ANKRD55: variants seen among roughly 807,000 people sequenced by gnomAD.
The protein encoded by ANKRD55 is ankyrin repeat domain 55.
A neutral mutation model predicts 60.6 loss-of-function variants in ANKRD55; 41 were observed. The observed-to-expected ratio is 0.68, with a 90% CI of 0.53 to 0.88. The LOEUF (loss-of-function observed/expected upper bound fraction) is 0.88, where lower values mean the gene tolerates loss of function less well. Among genes scored for constraint, ANKRD55 ranks in the 40% least tolerant of loss-of-function variants. The pLI, the probability that ANKRD55 is intolerant of heterozygous loss-of-function variation, is 0.00. For synonymous variants in ANKRD55, 264 were observed against 290.3 expected (o/e 0.91, Z 0.92); for missense variants, 732 against 767.6 (o/e 0.95, Z 0.55).
chr5:56,192,624 T>A (rs1224598709), intron 2 of ANKRD55: 11 of 734,180 alleles, frequency 1.5e-5, no homozygotes, highest in South Asian at 8.3e-5. Context: ...TTTTCTCAGC[T>A]ACTTAGTATT....
chr5:56,164,191 T>C (rs1475298638), intron 5 of ANKRD55, among the ~76,000 whole-genome samples: 1 of 152,090 alleles, frequency 6.6e-6, no homozygotes, highest in Non-Finnish European at 1.5e-5. Context: ...TATCATTAGG[T>C]GAATGGTGGG....
intron 3 of ANKRD55, among the ~76,000 whole-genome samples, chr5:56,177,602 C>T (rs1002442573): frequency 1.3e-4 from 19 of 151,888 alleles, no homozygotes; most frequent in African/African-American, 4.6e-4. Flanking sequence ...CATGGTGAAA[C>T]CCTGTCTAAA....
chr5:56,166,613 C>T (rs180868432), intron 5 of ANKRD55, among the ~76,000 whole-genome samples: 4 of 151,062 alleles, frequency 2.6e-5, no homozygotes, highest in Non-Finnish European at 5.9e-5. Context: ...AATAAGATAA[C>T]GAGTGAAGAA....
In ANKRD55 at chr5:56,159,824, G is replaced by A. The variant is rs1416220425; in HGVS notation, c.483+9C>T. 1.2e-6 allele frequency: 2 copies of A among 1,613,590 alleles called. No homozygotes were observed. Among genetic ancestry groups the A allele is most frequent in the Admixed American group, 1.7e-5 (1 of 60,008 alleles). ...AAATGACCACTTGTTGCTTGAGAGT[G>A]TGGCTCACCTCATTGTCCTGGTGAT... On this transcript the variant is annotated intron_variant, in intron 6 of 11. Coordinates refer to ENST00000341048, the MANE Select transcript of ANKRD55 (RefSeq NM_024669.3).
intron 10 of ANKRD55, among the ~76,000 whole-genome samples, chr5:56,109,833 A>G (rs1377246589): frequency 4.6e-5 from 7 of 152,164 alleles, no homozygotes; most frequent in African/African-American, 1.4e-4. Context: ...CCTGGCTAAC[A>G]TGGTGAAACC....
At chr5:56,211,488 G>A (rs150207413) in intron 2 of ANKRD55, among the ~76,000 whole-genome samples, 7 of 152,334 alleles carry the variant, frequency 4.6e-5, no homozygotes, top group South Asian at 2.1e-4. Flanking sequence ...GAAACAAAGT[G>A]ACTTATCCAA....
intron 6 of ANKRD55, among the ~76,000 whole-genome samples, chr5:56,158,013 T>A (rs57224199): frequency 0.017 from 2,617 of 152,208 alleles, 89 homozygotes; most frequent in African/African-American, 0.06. Flanking sequence ...AAACCCCGTC[T>A]CTACTAAAAA....
At chr5:56,125,282 TC>T (rs1398224590) in intron 8 of ANKRD55, among the ~76,000 whole-genome samples, 3 of 152,124 alleles carry the variant, frequency 2.0e-5, no homozygotes, top group Admixed American at 1.3e-4. Context: ...TTTTCTTTTT[TC>T]TTTTTTTTTT....
At chr5:56,183,723 T>C in intron 2 of ANKRD55, 89 bp from the exon 3 acceptor site, 1 of 1,536,788 alleles carries the variant, frequency 6.5e-7, no homozygotes, top group Non-Finnish European at 8.8e-7. Context: ...ACACAAGTGA[T>C]TCATTAAAAC....
chr5:56,210,174 G>A (rs1012616652), intron 2 of ANKRD55, among the ~76,000 whole-genome samples: 16 of 151,820 alleles, frequency 1.1e-4, no homozygotes, highest in Admixed American at 5.3e-4. Context: ...CCCCCGAAAT[G>A]GTCATTTTTT....
rs150365268 is a variant in ANKRD55, at chr5:56,215,850, G to A, written c.58+17006C>T. Among the ~76,000 whole-genome samples the A allele has an allele frequency of 5.2e-4, 79 of 152,192 alleles. 1 individual carries two copies. In the East Asian group the frequency reaches 0.014, roughly 26 times the overall value. ...AACTGCTTAATAACCCAGAGTGATAGCTCTTTTTTTAATTAGGAGTACTGG... is the reference window on the plus strand; with the variant it reads ...AACTGCTTAATAACCCAGAGTGATAACTCTTTTTTTAATTAGGAGTACTGG... On this transcript the variant is annotated intron_variant, in intron 2 of 11. Coordinates refer to ENST00000341048, the MANE Select transcript of ANKRD55 (RefSeq NM_024669.3).
At chr5:56,167,640 G>A (rs1268048584) in intron 5 of ANKRD55, among the ~76,000 whole-genome samples, 4 of 152,164 alleles carry the variant, frequency 2.6e-5, no homozygotes, top group Non-Finnish European at 4.4e-5. Context: ...TCAGTTAAGG[G>A]CTTTTTGGAC....
At chr5:56,157,819 G>A (rs1162150324) in intron 6 of ANKRD55, among the ~76,000 whole-genome samples, 4 of 152,128 alleles carry the variant, frequency 2.6e-5, no homozygotes, top group Admixed American at 6.6e-5. Context: ...GACCGGAGCC[G>A]GCGCGCGTCC....
In ANKRD55 at chr5:56,157,550, C is replaced by T. The variant is rs188523630; in HGVS notation, c.483+2283G>A. ...TGTAAAACCCAGTTGTATATTCCAT[C>T]TACTGAGATAGGAGAAAACCGCCTT... is the stretch of plus-strand genomic sequence containing the variant. On this transcript the variant is annotated intron_variant, in intron 6 of 11. Transcript: ENST00000341048. Among the ~76,000 whole-genome samples, 119 of 152,346 alleles carry T rather than the reference C, an allele frequency of 7.8e-4. 1 individual carries two copies. Among genetic ancestry groups the T allele is most frequent in the African/African-American group, 2.7e-3 (113 of 41,586 alleles).
Position 56,102,599 on chromosome 5 carries a change from A to G in ANKRD55, c.1631-13T>C, listed in dbSNP as rs774458087. ...TGAAAATTTTGTCCTGAAGATAAAC[A>G]TATTTGCATCAATTACTTGAGACTC... On this transcript the variant is annotated splice_polypyrimidine_tract_variant and intron_variant, in intron 10 of 11. Transcript: ENST00000341048. 21 of 1,595,148 alleles carry G rather than the reference A, an allele frequency of 1.3e-5. No homozygotes were observed. In the East Asian group the frequency reaches 2.5e-4, roughly 19 times the overall value.
At chr5:56,154,669 C>T (rs967693448) in intron 6 of ANKRD55, among the ~76,000 whole-genome samples, 5 of 149,636 alleles carry the variant, frequency 3.3e-5, no homozygotes, top group Admixed American at 6.7e-5. Context: ...ACTGCAACCT[C>T]CATCTCCCAA....
chr5:56,116,483 T>C (rs1009212504), intron 9 of ANKRD55, 132 bp downstream of exon 9: 2 of 745,176 alleles, frequency 2.7e-6, no homozygotes, highest in African/African-American at 1.9e-5. Context: ...TTTAATACTA[T>C]GTAACATTAA....
At chr5:56,115,173 C>T (rs1756848531) in intron 9 of ANKRD55, among the ~76,000 whole-genome samples, 1 of 151,052 alleles carries the variant, frequency 6.6e-6, no homozygotes, top group Non-Finnish European at 1.5e-5. Context: ...GCACACCAGC[C>T]TGGATGACAA....
intron 2 of ANKRD55, among the ~76,000 whole-genome samples, chr5:56,205,864 C>T (rs1430541499): frequency 1.3e-5 from 2 of 152,188 alleles, no homozygotes; most frequent in Non-Finnish European, 2.9e-5. Context: ...TGAGTTATCC[C>T]TGACACCCTG....
Sources: allele counts gnomAD v4.1 joint callset (sites outside exome capture counted in the v4.1 genomes callset), GRCh38; gene constraint gnomAD v4.1.1; transcripts MANE v1.5; gene names NCBI Gene and HGNC (gene_info 2026-07-23, HGNC 2026-07-21).